The following NAALADL2 variants were observed in gnomAD, a reference collection of about 807,000 sequenced individuals.
NAALADL2 encodes N-acetylated alpha-linked acidic dipeptidase like 2, also known as inactive N-acetylated-alpha-linked acidic dipeptidase-like protein 2.
NAALADL2 carries 76 observed loss-of-function variants against 87.2 expected under a neutral mutation model. That is an observed-to-expected ratio of 0.87 (90% CI 0.72 to 1.05). The LOEUF (loss-of-function observed/expected upper bound fraction) is 1.05. Ranked by LOEUF, NAALADL2 falls within the 50% of genes least tolerant of loss-of-function variation. The pLI is 0.00. For synonymous variants in NAALADL2, 354 were observed against 331.0 expected, an observed-to-expected ratio of 1.07 and a Z score of -0.75; for missense variants, 1,089 against 945.8, an observed-to-expected ratio of 1.15 and a Z score of -1.99.
At chr3:174,623,650 A>AT (rs945925137) in intron 2 of NAALADL2, among the ~76,000 whole-genome samples, 1 of 124,236 alleles carries the variant, frequency 8.0e-6, no homozygotes, top group Non-Finnish European at 1.9e-5. Flanking sequence ...CAATGTATTT[A>AT]TTAAAAAAAA....
At chr3:175,089,486 C>T (rs552161094) in intron 1 of NAALADL2, among the ~76,000 whole-genome samples, 3 of 151,998 alleles carry the variant, frequency 2.0e-5, no homozygotes, top group South Asian at 4.1e-4. Context: ...ATCTATAAAA[C>T]GGGGATAATA....
At chr3:175,498,506 A>G (rs1729120881) in intron 9 of NAALADL2, among the ~76,000 whole-genome samples, 1 of 152,036 alleles carries the variant, frequency 6.6e-6, no homozygotes, top group African/African-American at 2.4e-5. Context: ...ACTAAGAATA[A>G]TATTTTGCCT....
chr3:175,531,898 G>A (rs1341361059), intron 9 of NAALADL2, among the ~76,000 whole-genome samples: 1 of 152,214 alleles, frequency 6.6e-6, no homozygotes, highest in Non-Finnish European at 1.5e-5. Flanking sequence ...CACCACCCCT[G>A]CATCTTTCAC....
At chr3:175,137,213 T>C (rs1162695473) in intron 2 of NAALADL2, among the ~76,000 whole-genome samples, 1 of 152,168 alleles carries the variant, frequency 6.6e-6, no homozygotes, top group Non-Finnish European at 1.5e-5. Context: ...AAAAAAAGGT[T>C]ACCTTCATTA....
At chr3:175,655,698 A>T (rs1475501983) in intron 11 of NAALADL2, 2 of 76,222 alleles carry the variant, frequency 2.6e-5, no homozygotes. Flanking sequence ...AAAAAAATAA[A>T]TAAAATAAAA....
chr3:174,564,873 G>A (rs1328845732), intron 2 of NAALADL2, among the ~76,000 whole-genome samples: 1 of 151,786 alleles, frequency 6.6e-6, no homozygotes, highest in Admixed American at 6.6e-5. Context: ...ACTTTCAAAA[G>A]TGTATGTTTT....
chr3:175,511,524 A>G (rs547711429), intron 9 of NAALADL2, among the ~76,000 whole-genome samples: 72 of 152,312 alleles, frequency 4.7e-4, no homozygotes, highest in African/African-American at 1.6e-3. Context: ...GAAGAGACCA[A>G]ACCTGTGAAC....
At chr3:175,033,774 C>T (rs1753066888) in intron 1 of NAALADL2, among the ~76,000 whole-genome samples, 1 of 152,106 alleles carries the variant, frequency 6.6e-6, no homozygotes, top group Non-Finnish European at 1.5e-5. Flanking sequence ...TACTCTCACT[C>T]CTTACGTGGT....
intron 11 of NAALADL2, among the ~76,000 whole-genome samples, chr3:175,701,227 A>G (rs1027459341): frequency 4.6e-5 from 7 of 152,098 alleles, no homozygotes; most frequent in South Asian, 2.1e-4. Flanking sequence ...GAGGCACCCT[A>G]TGTAGGTTAG....
rs1054473960 is a variant in NAALADL2, at chr3:175,045,173, C to T, written c.44-51617C>T. ...ATAAAGGCCTTTAGGATTTTCTCTT[C>T]CCACTTGAATTTCTGAAACTTCACA... On this transcript the variant is annotated intron_variant, in intron 1 of 13. Transcript: ENST00000454872. Among the ~76,000 whole-genome samples, 4 of 152,018 alleles carry T rather than the reference C, an allele frequency of 2.6e-5. No homozygotes were observed. The South Asian group carries it at 8.3e-4, about 32-fold the overall frequency.
chr3:174,898,630 TCTA>T (rs1257606198), intron 1 of NAALADL2, among the ~76,000 whole-genome samples: 4 of 152,036 alleles, frequency 2.6e-5, no homozygotes, highest in Admixed American at 1.3e-4. Context: ...AATTTATACA[TCTA>T]CTATGTACTC....
chr3:174,949,966 T>C (rs544652041), intron 1 of NAALADL2, among the ~76,000 whole-genome samples: 23 of 152,178 alleles, frequency 1.5e-4, no homozygotes, highest in Admixed American at 5.2e-4. Flanking sequence ...CTATTTGCAT[T>C]GGAACCATTG....
At chr3:175,394,334 T>C (rs1769488714) in intron 5 of NAALADL2, among the ~76,000 whole-genome samples, 3 of 152,300 alleles carry the variant, frequency 2.0e-5, no homozygotes, top group Middle Eastern at 6.8e-3. Context: ...TAACAATGCA[T>C]TGTATATTTT....
chr3:174,560,591 T>G (rs1035165700), intron 2 of NAALADL2, among the ~76,000 whole-genome samples: 1 of 152,208 alleles, frequency 6.6e-6, no homozygotes, highest in Non-Finnish European at 1.5e-5. Context: ...AGAGCTTAGC[T>G]GTGAAAAATT....
intron 3 of NAALADL2, among the ~76,000 whole-genome samples, chr3:174,825,843 C>A (rs186552786): frequency 1.3e-3 from 202 of 152,130 alleles, no homozygotes; most frequent in African/African-American, 4.7e-3. Context: ...CTGGCTAACA[C>A]GGTGAAACCT....
At chr3:175,424,978 T>C (rs1240279910) in intron 5 of NAALADL2, among the ~76,000 whole-genome samples, 1 of 152,136 alleles carries the variant, frequency 6.6e-6, no homozygotes, top group Admixed American at 6.6e-5. Context: ...TACATGGTGG[T>C]GAATTCAACT....
chr3:174,974,572 C>CCAATGA (rs911432444), intron 1 of NAALADL2, among the ~76,000 whole-genome samples: 20 of 152,216 alleles, frequency 1.3e-4, no homozygotes, highest in African/African-American at 4.8e-4. Context: ...AGGAATTCCA[C>CCAATGA]CAATGATTAT....
At chr3:175,114,182 A>G (rs1486455059) in intron 2 of NAALADL2, among the ~76,000 whole-genome samples, 2 of 151,708 alleles carry the variant, frequency 1.3e-5, no homozygotes, top group African/African-American at 4.8e-5. Flanking sequence ...GAGGAAGCTG[A>G]CAGTCATAAT....
chr3:175,618,376 GTGGACTAGGA>G (rs1481050725), intron 10 of NAALADL2, among the ~76,000 whole-genome samples: 2 of 152,176 alleles, frequency 1.3e-5, no homozygotes, highest in African/African-American at 4.8e-5. Context: ...GGAGAAAGGG[GTGGACTAGGA>G]GGAGTAGGAC....
Sources: gnomAD v4.1 joint callset for allele counts (sites outside exome capture counted in the v4.1 genomes callset) on GRCh38, gnomAD v4.1.1 for gene constraint, MANE v1.5 for transcripts, NCBI Gene and HGNC (gene_info 2026-07-23, HGNC 2026-07-21) for gene names.